The following TMCO5A variants were observed in gnomAD, a reference collection of about 807,000 sequenced individuals.
TMCO5A encodes transmembrane and coiled-coil domains 5A, also known as transmembrane and coiled-coil domain-containing protein 5A.
Under a neutral mutation model 42.3 loss-of-function variants are expected in TMCO5A, and 34 were observed. The ratio of observed to expected loss-of-function variants is 0.80; its 90% CI spans 0.61 to 1.07. The LOEUF (loss-of-function observed/expected upper bound fraction) is 1.07. Among genes scored for constraint, TMCO5A ranks in the 50% least tolerant of loss-of-function variants. The probability of loss-of-function intolerance (pLI) is 0.00; values close to 1 mark genes in which losing one functional copy is unlikely to be tolerated. For synonymous variants in TMCO5A, 131 were observed against 115.6 expected, an observed-to-expected ratio of 1.13 and a Z score of -0.86; for missense variants, 357 against 327.9, an observed-to-expected ratio of 1.09 and a Z score of -0.69.
At chr15:37,967,541 TAG>T (rs1890584502) in exon 12 of TMCO5A, 1 of 152,088 alleles carries the variant, frequency 6.6e-6, no homozygotes, top group Non-Finnish European at 1.5e-5. Context: ...GGAGGAAGCA[TAG>T]AGAGTAGAAG....
At chr15:37,960,640 C>G (rs1422245155) in intron 11 of TMCO5A, among the ~76,000 whole-genome samples, 1 of 152,124 alleles carries the variant, frequency 6.6e-6, no homozygotes, top group Admixed American at 6.6e-5. Context: ...AGTTTACATT[C>G]CAACCAGCAG....
chr15:37,936,890 G>A lies in TMCO5A; in HGVS notation c.184G>A (p.Glu62Lys), dbSNP rs756502146. 2.5e-6 allele frequency: 4 copies of A among 1,612,428 alleles called. No homozygotes were observed. In the East Asian group the frequency reaches 8.9e-5, roughly 36 times the overall value. The change falls in exon 4 of 12, where the codon GAA (glutamate) becomes AAA (lysine). Residue 62 changes from glutamate to lysine, a missense_variant. Coordinates refer to ENST00000319669, the MANE Select transcript of TMCO5A (RefSeq NM_152453.4). ...IIQTRGLVED[E>K]EWEKENRTTM... ...TCAGACGCGGGGCCTGGTGGAAGAT[G>A]AAGAGTGGGAGAAGGAGAACCGCAC... is the stretch of plus-strand genomic sequence containing the variant.
intron 11 of TMCO5A, among the ~76,000 whole-genome samples, chr15:37,947,971 A>G (rs1381959679): frequency 6.6e-6 from 1 of 152,046 alleles, no homozygotes; most frequent in East Asian, 1.9e-4. Flanking sequence ...TATGTAAAAG[A>G]GATGTGGCAG....
chr15:37,943,473 C>A, intron 10 of TMCO5A, 75 bp downstream of exon 10: 2 of 1,450,228 alleles, frequency 1.4e-6, no homozygotes, highest in Non-Finnish European at 1.9e-6. Context: ...AACTATAAGG[C>A]ACCAAATATA....
At chr15:38,030,636 C>A in the TMCO5A span, among the ~76,000 whole-genome samples, 13 of 152,184 alleles carry the variant, frequency 8.5e-5, no homozygotes, top group African/African-American at 3.1e-4. Context: ...AAGGGCTCGA[C>A]CTGACGTGAC....
the TMCO5A span, chr15:38,040,232 T>C: frequency 6.6e-6 from 1 of 152,288 alleles, no homozygotes; most frequent in Non-Finnish European, 1.5e-5. Flanking sequence ...GGAGGAGATA[T>C]GACAAAGAAG....
downstream of TMCO5A, among the ~76,000 whole-genome samples, chr15:37,955,293 A>T (rs1168667192): frequency 6.6e-6 from 1 of 151,182 alleles, no homozygotes; most frequent in East Asian, 1.9e-4. Context: ...AGATTGAACC[A>T]TGAAGAAATC....
chr15:37,961,568 C>T (rs1000053992), intron 11 of TMCO5A, among the ~76,000 whole-genome samples: 1 of 142,904 alleles, frequency 7.0e-6, no homozygotes, highest in African/African-American at 2.6e-5. Flanking sequence ...TTTTCTATTT[C>T]TGTGAAGAAT....
the TMCO5A span, among the ~76,000 whole-genome samples, chr15:38,004,250 C>T: frequency 6.6e-6 from 1 of 151,990 alleles, no homozygotes; most frequent in Admixed American, 6.6e-5. Context: ...CCTGGTGCCC[C>T]ATTCTACTAT....
intron 10 of TMCO5A, among the ~76,000 whole-genome samples, chr15:37,945,360 G>C (rs1008177908): frequency 2.6e-5 from 4 of 152,096 alleles, no homozygotes; most frequent in African/African-American, 9.7e-5. Flanking sequence ...CTCTATGATA[G>C]AATGATTTAT....
the TMCO5A span, among the ~76,000 whole-genome samples, chr15:37,972,928 T>C: frequency 6.6e-6 from 1 of 152,228 alleles, no homozygotes; most frequent in Admixed American, 6.5e-5. Flanking sequence ...TACAAGTCTC[T>C]AACCTAGCTT....
At chr15:37,958,272 G>A (rs187845062) in intron 11 of TMCO5A, among the ~76,000 whole-genome samples, 267 of 152,296 alleles carry the variant, frequency 1.8e-3, no homozygotes, top group Non-Finnish European at 2.8e-3. Context: ...CTACTGCACA[G>A]CAAAAGAAAC....
the TMCO5A span, among the ~76,000 whole-genome samples, chr15:38,000,603 G>A: frequency 6.6e-6 from 1 of 151,646 alleles, no homozygotes; most frequent in Non-Finnish European, 1.5e-5. Context: ...ATGTATAATT[G>A]TGTTATTTAT....
At chr15:38,014,853 T>TTATATATATA in the TMCO5A span, among the ~76,000 whole-genome samples, 561 of 54,466 alleles carry the variant, frequency 0.01, 44 homozygotes, top group Non-Finnish European at 0.011. Context: ...AGGAGAAAGA[T>TTATATATATA]TATATATATA....
chr15:37,959,748 C>T lies in TMCO5A; in HGVS notation c.669-6877C>T, dbSNP rs181935803. On this transcript the variant is annotated intron_variant, in intron 11 of 11. Coordinates refer to the TMCO5A transcript ENST00000559502. The stretch of plus-strand genomic sequence containing the variant: ...TAGTATCATACTGAATAAGGAAAAA[C>T]TGAAAGCCTTTCCTCTAATATCTGG... Among the ~76,000 whole-genome samples, 24 of 152,068 alleles carry T rather than the reference C, an allele frequency of 1.6e-4. No individual in the cohort carries two copies. The East Asian group carries it at 4.6e-3, about 29-fold the overall frequency.
chr15:38,028,852 C>T, the TMCO5A span, among the ~76,000 whole-genome samples: 1 of 152,044 alleles, frequency 6.6e-6, no homozygotes. Context: ...AAATAGTGAG[C>T]CCTGCTGGAC....
the TMCO5A span, among the ~76,000 whole-genome samples, chr15:37,977,542 G>A: frequency 6.6e-6 from 1 of 152,204 alleles, no homozygotes. Flanking sequence ...GTAATAGCCA[G>A]TAGATACGCT....
At chr15:38,001,571 G>A in the TMCO5A span, among the ~76,000 whole-genome samples, 2 of 150,538 alleles carry the variant, frequency 1.3e-5, no homozygotes, top group African/African-American at 4.9e-5. Context: ...TGATTGTTTT[G>A]TGGTCTTCTC....
intron 11 of TMCO5A, among the ~76,000 whole-genome samples, chr15:37,948,761 G>A (rs755800957): frequency 6.6e-6 from 1 of 151,962 alleles, no homozygotes; most frequent in Non-Finnish European, 1.5e-5. Context: ...TGGTACACTG[G>A]GCACTAACTC....
Sources: allele counts gnomAD v4.1 joint callset (sites outside exome capture counted in the v4.1 genomes callset), GRCh38; gene constraint gnomAD v4.1.1; transcripts MANE v1.5; gene names NCBI Gene and HGNC (gene_info 2026-07-23, HGNC 2026-07-21).